CHLSN: variants seen among roughly 807,000 people sequenced by gnomAD.
The protein encoded by CHLSN is cholesin.
chr7:1,037,202 C>G, the CHLSN span, among the ~76,000 whole-genome samples: 1 of 144,208 alleles, frequency 6.9e-6, no homozygotes, highest in Non-Finnish European at 1.6e-5. Flanking sequence ...TTATGTCATA[C>G]TTAATAGTAA....
chr7:1,135,992 T>C, the CHLSN span, among the ~76,000 whole-genome samples: 1 of 124,122 alleles, frequency 8.1e-6, no homozygotes, highest in Non-Finnish European at 1.6e-5. Flanking sequence ...TATAAGCATA[T>C]ATAAATATAT....
the CHLSN span, among the ~76,000 whole-genome samples, chr7:991,477 G>T: frequency 6.6e-6 from 1 of 152,194 alleles, no homozygotes; most frequent in African/African-American, 2.4e-5. Context: ...GGTGTGGGGC[G>T]GGCAGGAGGG....
chr7:1,020,622 G>A, the CHLSN span, among the ~76,000 whole-genome samples: 1 of 152,216 alleles, frequency 6.6e-6, no homozygotes, highest in Non-Finnish European at 1.5e-5. Flanking sequence ...ATGATGTAAG[G>A]AAATGAATGA....
At chr7:996,271 C>T in the CHLSN span, among the ~76,000 whole-genome samples, 2 of 152,342 alleles carry the variant, frequency 1.3e-5, no homozygotes, top group East Asian at 3.9e-4. Flanking sequence ...GGCCGTGCTC[C>T]CGCCTCCCGG....
the CHLSN span, chr7:1,026,953 C>A: frequency 1.3e-5 from 2 of 152,224 alleles, no homozygotes. Flanking sequence ...AAACTATGTT[C>A]TCATCTCAGA....
the CHLSN span, among the ~76,000 whole-genome samples, chr7:1,040,271 G>C: frequency 6.6e-6 from 1 of 151,680 alleles, no homozygotes; most frequent in African/African-American, 2.4e-5. Context: ...TGGGAGGATT[G>C]CTTGAGGCCA....
chr7:995,087 G>A, the CHLSN span, among the ~76,000 whole-genome samples: 1 of 152,264 alleles, frequency 6.6e-6, no homozygotes. Flanking sequence ...TCCCGCACAA[G>A]CGCCAGCTGA....
chr7:994,603 C>G, the CHLSN span, among the ~76,000 whole-genome samples: 20 of 152,126 alleles, frequency 1.3e-4, no homozygotes, highest in Non-Finnish European at 2.9e-4. Context: ...GCCACCATCC[C>G]CGGATTTTTT....
chr7:1,014,951 A>T, the CHLSN span, among the ~76,000 whole-genome samples: 1 of 152,192 alleles, frequency 6.6e-6, no homozygotes, highest in Non-Finnish European at 1.5e-5. Flanking sequence ...ACAGGTGTGC[A>T]GGCTGTGCGG....
At chr7:1,086,698 C>T in the CHLSN span, 1 of 152,490 alleles carries the variant, frequency 6.6e-6, no homozygotes, top group South Asian at 2.0e-4. Flanking sequence ...GCCGAGTGCA[C>T]CTGGAGGCCC....
At chr7:986,458 C>T in the CHLSN span, 2 of 750,950 alleles carry the variant, frequency 2.7e-6, no homozygotes, top group African/African-American at 3.6e-5. Context: ...CTGGCAGTTC[C>T]TGGTCCTCCC....
the CHLSN span, among the ~76,000 whole-genome samples, chr7:1,075,459 G>C: frequency 6.6e-6 from 1 of 151,604 alleles, no homozygotes; most frequent in African/African-American, 2.4e-5. Flanking sequence ...GGGAGGCAGA[G>C]GTTGCAGTGA....
At chr7:1,120,409 C>T in the CHLSN span, among the ~76,000 whole-genome samples, 13 of 152,202 alleles carry the variant, frequency 8.5e-5, no homozygotes, top group South Asian at 1.7e-3. Flanking sequence ...CTCCCATCTT[C>T]GCCTCCCTAG....
chr7:1,019,550 A>T, the CHLSN span, among the ~76,000 whole-genome samples: 1 of 152,234 alleles, frequency 6.6e-6, no homozygotes, highest in African/African-American at 2.4e-5. Context: ...AAAACAGTGA[A>T]GCCCTGAGTC....
chr7:1,078,357 G>C, the CHLSN span, among the ~76,000 whole-genome samples: 28 of 152,110 alleles, frequency 1.8e-4, no homozygotes, highest in African/African-American at 3.4e-4. Context: ...GGTGGGGGGG[G>C]GCTCAGGCAC....
At chr7:1,116,244 T>G in the CHLSN span, among the ~76,000 whole-genome samples, 1 of 120,686 alleles carries the variant, frequency 8.3e-6, no homozygotes, top group Admixed American at 8.5e-5. Flanking sequence ...CAGGATGACT[T>G]CACTACAGCT....
the CHLSN span, among the ~76,000 whole-genome samples, chr7:985,595 G>A: frequency 3.3e-5 from 5 of 152,144 alleles, no homozygotes; most frequent in African/African-American, 1.2e-4. Context: ...GAGTGGAGGT[G>A]GGAGGCAGGC....
chr7:985,152 C>T, the CHLSN span: 42 of 1,593,248 alleles, frequency 2.6e-5, no homozygotes, highest in South Asian at 6.7e-5. Context: ...GCCTGAGGCC[C>T]GTCTCCCTCG....
chr7:997,734 G>T, the CHLSN span: 4 of 1,611,232 alleles, frequency 2.5e-6, no homozygotes, highest in Non-Finnish European at 3.4e-6. Context: ...CTTCTGCACC[G>T]TCAGCTCTCG....
Sources: allele counts gnomAD v4.1 joint callset (sites outside exome capture counted in the v4.1 genomes callset), GRCh38; gene constraint gnomAD v4.1.1; transcripts MANE v1.5; gene names NCBI Gene and HGNC (gene_info 2026-07-23, HGNC 2026-07-21).